The following RBFOX1 variants were observed in gnomAD, a reference collection of about 807,000 sequenced individuals.
RBFOX1 encodes RNA binding fox-1 homolog 1.
In RBFOX1, 8 loss-of-function variants were observed where a neutral mutation model predicts 57.7. The ratio of observed to expected loss-of-function variants is 0.14; its 90% CI spans 0.08 to 0.25. The LOEUF is 0.25. Among genes scored for constraint, RBFOX1 ranks in the 10% least tolerant of loss-of-function variants. RBFOX1 has a pLI of 1.00. For missense variants in RBFOX1, 611 were observed against 548.5 expected (o/e 1.11, Z -1.14); for synonymous variants, 326 against 222.4 (o/e 1.47, Z -4.15).
chr16:7,013,947 G>T (rs1373980793), intron 3 of RBFOX1, among the ~76,000 whole-genome samples: 3 of 152,002 alleles, frequency 2.0e-5, no homozygotes, highest in Non-Finnish European at 4.4e-5. Context: ...TTTGAGCCAC[G>T]GCGCTTGGCT....
intron 3 of RBFOX1, among the ~76,000 whole-genome samples, chr16:6,899,124 T>C (rs1344830981): frequency 2.1e-5 from 3 of 141,236 alleles, no homozygotes; most frequent in Admixed American, 6.9e-5. Flanking sequence ...TGTTTATGCA[T>C]ATGTGTATAT....
At chr16:6,548,039 C>G (rs1251908048) in intron 2 of RBFOX1, among the ~76,000 whole-genome samples, 2 of 152,130 alleles carry the variant, frequency 1.3e-5, no homozygotes, top group South Asian at 2.1e-4. Flanking sequence ...CAAGCTCAGA[C>G]TATTCATCGT....
intron 10 of RBFOX1, among the ~76,000 whole-genome samples, chr16:7,621,886 C>T (rs2059371296): frequency 1.3e-5 from 2 of 152,134 alleles, no homozygotes; most frequent in Admixed American, 1.3e-4. Context: ...AATTACTCAG[C>T]CCTGTCATTT....
intron 3 of RBFOX1, among the ~76,000 whole-genome samples, chr16:5,759,376 C>T (rs181402297): frequency 1.4e-4 from 21 of 152,266 alleles, no homozygotes; most frequent in Admixed American, 7.2e-4. Context: ...GGTGGATCCT[C>T]CTCCACGTCT....
intron 3 of RBFOX1, among the ~76,000 whole-genome samples, chr16:5,787,014 T>C (rs890751490): frequency 1.3e-5 from 2 of 152,144 alleles, no homozygotes; most frequent in Non-Finnish European, 2.9e-5. Flanking sequence ...CAGATGCCTG[T>C]AATCTCAGCT....
At chr16:5,440,616 G>A (rs2068055287) in intron 1 of RBFOX1, among the ~76,000 whole-genome samples, 1 of 152,152 alleles carries the variant, frequency 6.6e-6, no homozygotes, top group South Asian at 2.1e-4. Context: ...TGATGCTCTG[G>A]AGATTATGAT....
At chr16:7,634,670 A>G (rs374372343) in intron 11 of RBFOX1, among the ~76,000 whole-genome samples, 1 of 152,100 alleles carries the variant, frequency 6.6e-6, no homozygotes, top group Non-Finnish European at 1.5e-5. Context: ...TGTCCATACA[A>G]CTAATTCCGT....
At chr16:6,676,673 CTTTT>C (rs756578276) in intron 3 of RBFOX1, among the ~76,000 whole-genome samples, 1 of 103,538 alleles carries the variant, frequency 9.7e-6, no homozygotes, top group Non-Finnish European at 1.9e-5. Flanking sequence ...TTTTTCTTTT[CTTTT>C]TTTTTTTTTT....
intron 4 of RBFOX1, among the ~76,000 whole-genome samples, chr16:5,934,912 A>G (rs886540935): frequency 3.3e-5 from 5 of 152,234 alleles, no homozygotes; most frequent in African/African-American, 1.2e-4. Context: ...TTTATTCAGC[A>G]CAGATTTAAT....
intron 14 of RBFOX1, among the ~76,000 whole-genome samples, chr16:7,685,816 T>G (rs533637133): frequency 6.6e-6 from 1 of 152,202 alleles, no homozygotes; most frequent in East Asian, 1.9e-4. Context: ...TGTAGGTAAC[T>G]GTGTCAAGAT....
At chr16:5,458,296 C>G (rs1597148098) in intron 1 of RBFOX1, among the ~76,000 whole-genome samples, 1 of 151,432 alleles carries the variant, frequency 6.6e-6, no homozygotes, top group African/African-American at 2.4e-5. Flanking sequence ...ATCGATGAAT[C>G]AATGATTTAT....
At chr16:7,151,847 C>T (rs2076172708) in intron 4 of RBFOX1, among the ~76,000 whole-genome samples, 1 of 152,080 alleles carries the variant, frequency 6.6e-6, no homozygotes. Flanking sequence ...ATGCACAGTT[C>T]ACAAGAGGAT....
intron 1 of RBFOX1, among the ~76,000 whole-genome samples, chr16:5,274,732 C>G (rs2151132476): frequency 6.6e-6 from 1 of 152,332 alleles, no homozygotes. Flanking sequence ...GGAGCCACCT[C>G]TCAGTCCCTT....
intron 1 of RBFOX1, among the ~76,000 whole-genome samples, chr16:5,371,539 T>C (rs1377920866): frequency 6.6e-5 from 10 of 152,236 alleles, no homozygotes; most frequent in Non-Finnish European, 1.5e-5. Flanking sequence ...CATTTTGTTA[T>C]GGCAGCCCTA....
chr16:6,058,606 C>G (rs1044838836), intron 1 of RBFOX1, among the ~76,000 whole-genome samples: 14 of 151,798 alleles, frequency 9.2e-5, no homozygotes, highest in Admixed American at 5.3e-4. Context: ...ACCCATCCAC[C>G]CATCCATCCA....
intron 4 of RBFOX1, among the ~76,000 whole-genome samples, chr16:5,936,588 A>C (rs1477036982): frequency 2.0e-5 from 3 of 152,226 alleles, no homozygotes; most frequent in African/African-American, 7.2e-5. Flanking sequence ...AGGAAGGCAC[A>C]GAAAGAGGTG....
In RBFOX1 at chr16:7,258,935, T is replaced by C. The variant is rs531910375; in HGVS notation, c.27+206837T>C. Among the ~76,000 whole-genome samples, 267 of 152,326 alleles carry C rather than the reference T, an allele frequency of 1.8e-3. 1 individual carries two copies. The highest frequency in any genetic ancestry group is 5.9e-3 in the African/African-American group (247 of 41,574). On this transcript the variant is annotated intron_variant, in intron 4 of 15. Coordinates refer to ENST00000550418, the MANE Select transcript of RBFOX1 (RefSeq NM_018723.4). ...TTTCCCATAAGGTGAAGTTTTTAGA[T>C]GGAAGAAAGATGGGTCCTGTTTCAC...
intron 3 of RBFOX1, among the ~76,000 whole-genome samples, chr16:6,967,994 C>T (rs1325132698): frequency 2.0e-5 from 3 of 152,122 alleles, no homozygotes; most frequent in African/African-American, 7.2e-5. Context: ...CTGATGACAG[C>T]GGGAAGGTGC....
At chr16:6,972,696 G>C (rs1485624890) in intron 3 of RBFOX1, among the ~76,000 whole-genome samples, 1 of 152,186 alleles carries the variant, frequency 6.6e-6, no homozygotes, top group Non-Finnish European at 1.5e-5. Flanking sequence ...GGCCTTGATA[G>C]AGATGGAGGC....
Sources: allele counts gnomAD v4.1 joint callset (sites outside exome capture counted in the v4.1 genomes callset), GRCh38; gene constraint gnomAD v4.1.1; transcripts MANE v1.5; gene names NCBI Gene and HGNC (gene_info 2026-07-23, HGNC 2026-07-21).